The following RTN1 variants were observed in gnomAD, a reference collection of about 807,000 sequenced individuals.
RTN1 encodes reticulon-1.
A neutral mutation model predicts 65.5 loss-of-function variants in RTN1; 25 were observed. That is an observed-to-expected ratio of 0.38 (90% CI 0.28 to 0.53). The LOEUF (loss-of-function observed/expected upper bound fraction) is 0.53, where lower values mean the gene tolerates loss of function less well. RTN1 is among the 20% of genes least tolerant of loss of function. The probability of loss-of-function intolerance (pLI) is 0.79; values close to 1 mark genes in which losing one functional copy is unlikely to be tolerated. For synonymous variants in RTN1, 471 were observed against 447.6 expected (o/e 1.05, Z -0.66); for missense variants, 983 against 1,025.4 (o/e 0.96, Z 0.57).
chr14:59,723,371 C>T (rs1288536078), intron 3 of RTN1, among the ~76,000 whole-genome samples: 2 of 151,810 alleles, frequency 1.3e-5, no homozygotes, highest in African/African-American at 4.8e-5. Flanking sequence ...CTTTGGGAGG[C>T]CAAGGTGGGT....
At chr14:59,743,162 T>A (rs1169702069) in intron 2 of RTN1, among the ~76,000 whole-genome samples, 1 of 152,220 alleles carries the variant, frequency 6.6e-6, no homozygotes, top group Admixed American at 6.5e-5. Flanking sequence ...CCCAACATCG[T>A]AAAACTCCAA....
chr14:59,708,107 C>T (rs551266624), intron 3 of RTN1, among the ~76,000 whole-genome samples: 72 of 152,294 alleles, frequency 4.7e-4, no homozygotes, highest in Non-Finnish European at 8.8e-4. Context: ...TTAAATCATT[C>T]GTTAAAAACA....
chr14:59,739,702 G>A (rs1302472366), intron 2 of RTN1, among the ~76,000 whole-genome samples: 1 of 152,120 alleles, frequency 6.6e-6, no homozygotes, highest in African/African-American at 2.4e-5. Context: ...CATTGACTTG[G>A]GGTCTGATTC....
chr14:59,785,925 C>G (rs1452222912), intron 1 of RTN1, among the ~76,000 whole-genome samples: 3 of 152,212 alleles, frequency 2.0e-5, no homozygotes, highest in Admixed American at 6.5e-5. Context: ...AAGGTTGAAA[C>G]CCCAACAGTC....
In RTN1 at chr14:59,870,529, C is replaced by T; in HGVS notation, c.102G>A (p.Thr34=). The change falls in exon 1 of 9, where the codon ACG becomes ACA. Residue 34 remains threonine, a synonymous_variant. Coordinates refer to ENST00000267484, the MANE Select transcript of RTN1 (RefSeq NM_021136.3). The surrounding 1 kb of genome is among the most constrained non-coding windows in gnomAD (Gnocchi z 5.1). ...GCGGCGCCGGCGTGGCCCCTTTCGG[C>T]GTCACCGCTTCGTTCTCCCCCTCCC... ...HRGEGENEAV[T]PKGATPAPQA... is the part of the protein sequence containing the mutation. 6.9e-7 allele frequency: 1 copy of T among 1,458,936 alleles called. No individual in the cohort carries two copies. The highest frequency in any genetic ancestry group is 9.0e-7 in the Non-Finnish European group (1 of 1,111,272). 90.4% of individuals were successfully genotyped at this position (1,458,936 alleles called of 1,614,324 possible). A position where few individuals can be genotyped will look rare whatever the true frequency, so the allele number is the denominator to read the frequency against.
At chr14:59,775,261 C>G (rs529764912) in intron 1 of RTN1, among the ~76,000 whole-genome samples, 32 of 152,236 alleles carry the variant, frequency 2.1e-4, no homozygotes, top group Non-Finnish European at 4.4e-4. Context: ...CATGAAAGGA[C>G]CCTGGGTCCC....
At chr14:59,788,245 G>A (rs1044989966) in intron 1 of RTN1, among the ~76,000 whole-genome samples, 15 of 152,230 alleles carry the variant, frequency 9.9e-5, no homozygotes, top group African/African-American at 4.8e-5. Context: ...CAATGGGGCT[G>A]CTGAACTGAA....
intron 3 of RTN1, among the ~76,000 whole-genome samples, chr14:59,640,597 G>T (rs1055428861): frequency 6.6e-6 from 1 of 152,148 alleles, no homozygotes; most frequent in Non-Finnish European, 1.5e-5. Flanking sequence ...TTACAGGCGT[G>T]AGCCACCGTG....
intron 3 of RTN1, among the ~76,000 whole-genome samples, chr14:59,622,298 G>C (rs1192240856): frequency 6.6e-6 from 1 of 152,190 alleles, no homozygotes; most frequent in African/African-American, 2.4e-5. Flanking sequence ...CCAAGATCGA[G>C]CCGCTGCACT....
intron 1 of RTN1, among the ~76,000 whole-genome samples, chr14:59,791,795 A>T (rs989865928): frequency 1.3e-5 from 2 of 152,134 alleles, no homozygotes; most frequent in Non-Finnish European, 2.9e-5. Flanking sequence ...TTATAGTCAC[A>T]CTTTATTCCC....
At chr14:59,612,927 G>C (rs1433412334) in intron 3 of RTN1, among the ~76,000 whole-genome samples, 2 of 152,166 alleles carry the variant, frequency 1.3e-5, no homozygotes, top group African/African-American at 4.8e-5. Flanking sequence ...CAGTAGCTAC[G>C]GCTTTATCTT....
At chr14:59,757,424 C>T (rs138817169) in intron 1 of RTN1, among the ~76,000 whole-genome samples, 225 of 152,300 alleles carry the variant, frequency 1.5e-3, no homozygotes, top group African/African-American at 5.2e-3. Flanking sequence ...CTCATTCTCT[C>T]TTTGCTGGCT....
In RTN1 at chr14:59,836,418, G is replaced by A. The variant is rs907553587; in HGVS notation, c.241+33972C>T. Among the ~76,000 whole-genome samples, 1 of 152,150 alleles carries A rather than the reference G, an allele frequency of 6.6e-6. No homozygotes were observed. The highest frequency in any genetic ancestry group is 1.5e-5 in the Non-Finnish European group (1 of 68,030). ...GGACTCTCAGGCACAGAGAGATTAA[G>A]GAACTCCCCACATCACACAACTAAT... On this transcript the variant is annotated intron_variant, in intron 1 of 8. Coordinates refer to ENST00000267484, the MANE Select transcript of RTN1 (RefSeq NM_021136.3). The surrounding 1 kb of genome is among the most constrained non-coding windows in gnomAD (Gnocchi z 4.9).
chr14:59,698,550 C>A (rs531139441), intron 3 of RTN1, among the ~76,000 whole-genome samples: 54 of 152,212 alleles, frequency 3.5e-4, no homozygotes, highest in African/African-American at 1.3e-3. Flanking sequence ...GTGAATAAGT[C>A]TCATGAGATC....
chr14:59,642,296 GAC>G, intron 3 of RTN1, among the ~76,000 whole-genome samples: 1 of 152,176 alleles, frequency 6.6e-6, no homozygotes, highest in Non-Finnish European at 1.5e-5. Flanking sequence ...GCTTGATTAT[GAC>G]AGTTTTATTA....
intron 1 of RTN1, among the ~76,000 whole-genome samples, chr14:59,753,503 A>T (rs1224049947): frequency 3.3e-5 from 5 of 152,232 alleles, no homozygotes; most frequent in Non-Finnish European, 7.3e-5. Flanking sequence ...GTCCCATTTT[A>T]AAAAATTGAG....
Position 59,795,980 on chromosome 14 carries a change from A to G in RTN1, c.242-49499T>C, listed in dbSNP as rs545757984. ...TGTATTAATCACCAACTATGTCCCA[A>G]GTACCATGGGAGGTACTAGGGAAGA... On this transcript the variant is annotated intron_variant, in intron 1 of 8. Coordinates refer to ENST00000267484, the MANE Select transcript of RTN1 (RefSeq NM_021136.3). Among the ~76,000 whole-genome samples the G allele has an allele frequency of 2.1e-3, 315 of 152,304 alleles. 2 individuals are homozygous for G. Among genetic ancestry groups the G allele is most frequent in the Middle Eastern group, 3.4e-3 (1 of 294 alleles).
At position 59,683,875 on chromosome 14, in the gene RTN1, C is replaced by T. The variant is rs1437458148; in HGVS notation, c.1765+43044G>A. On this transcript the variant is annotated intron_variant, in intron 3 of 8. Transcript: ENST00000267484. ...TTTTTAGCTCTTGCCAACGCCAGCT[C>T]TCTTCACTATGAAGAGTACTCTGGT... is the stretch of plus-strand genomic sequence containing the variant. Among the ~76,000 whole-genome samples, 3 of 152,094 alleles carry T rather than the reference C, an allele frequency of 2.0e-5. No individual in the cohort carries two copies. The South Asian group carries it at 6.2e-4, about 31-fold the overall frequency.
intron 3 of RTN1, among the ~76,000 whole-genome samples, chr14:59,615,884 G>A (rs879296674): frequency 2.0e-5 from 3 of 152,086 alleles, no homozygotes; most frequent in African/African-American, 4.8e-5. Flanking sequence ...TCCTCTATTA[G>A]AGTAAAGGTT....
Sources: allele counts gnomAD v4.1 joint callset (sites outside exome capture counted in the v4.1 genomes callset), GRCh38; gene constraint gnomAD v4.1.1; non-coding constraint Gnocchi (gnomAD v3.1); transcripts MANE v1.5; gene names NCBI Gene and HGNC (gene_info 2026-07-23, HGNC 2026-07-21).